DDX31: variants seen among roughly 807,000 people sequenced by gnomAD.
The protein encoded by DDX31 is ATP-dependent DNA helicase DDX31.
Under a neutral mutation model 91.3 loss-of-function variants are expected in DDX31, and 70 were observed. The ratio of observed to expected loss-of-function variants is 0.77; its 90% CI spans 0.63 to 0.94. The LOEUF is 0.94. Among genes scored for constraint, DDX31 ranks in the 40% least tolerant of loss-of-function variants. The pLI is 0.00. For synonymous variants in DDX31, 362 were observed against 350.6 expected (o/e 1.03, Z -0.36); for missense variants, 902 against 925.0 (o/e 0.98, Z 0.32).
At chr9:132,632,492 T>C (rs907637272) in intron 14 of DDX31, among the ~76,000 whole-genome samples, 1 of 152,142 alleles carries the variant, frequency 6.6e-6, no homozygotes, top group African/African-American at 2.4e-5. Flanking sequence ...CTCTGAACTC[T>C]TCTAGCATGT....
At chr9:132,650,971 G>T in intron 8 of DDX31, 104 bp downstream of exon 8, 1 of 1,208,544 alleles carries the variant, frequency 8.3e-7, no homozygotes. Context: ...CAGGCAAAAG[G>T]AAATAATTCT....
intron 13 of DDX31, among the ~76,000 whole-genome samples, chr9:132,644,612 G>A (rs1261570987): frequency 6.6e-6 from 1 of 152,194 alleles, no homozygotes; most frequent in South Asian, 2.1e-4. Context: ...ATAGACTCTT[G>A]TGTGTGATCT....
rs142689890 is a variant in DDX31 at position 132,644,771 on chromosome 9, C to T, written c.1380+1124G>A. 2.1e-3 allele frequency among the ~76,000 whole-genome samples: 315 copies of T among 152,224 alleles called. 3 individuals are homozygous for T. Among genetic ancestry groups the T allele is most frequent in the African/African-American group, 7.2e-3 (300 of 41,538 alleles). On this transcript the variant is annotated intron_variant, in intron 13 of 19. Transcript: ENST00000372159. ...CAAAAACAAAACCCCAAACCATTAA[C>T]GGTATTAAATAAATAAAACCAACAA...
intron 1 of DDX31, among the ~76,000 whole-genome samples, chr9:132,668,445 C>A (rs989164152): frequency 6.6e-6 from 1 of 152,114 alleles, no homozygotes; most frequent in Non-Finnish European, 1.5e-5. Flanking sequence ...CTCATGGCGA[C>A]CAAAAGAGTT....
intron 1 of DDX31, among the ~76,000 whole-genome samples, chr9:132,666,738 G>A (rs1467282556): frequency 1.3e-5 from 2 of 148,500 alleles, no homozygotes; most frequent in African/African-American, 2.5e-5. Flanking sequence ...ACAGAGTCTC[G>A]CTCTGTCGCC....
At chr9:132,632,592 C>T (rs1424787795) in intron 14 of DDX31, among the ~76,000 whole-genome samples, 1 of 152,158 alleles carries the variant, frequency 6.6e-6, no homozygotes, top group Non-Finnish European at 1.5e-5. Flanking sequence ...CAACGCCTAA[C>T]AAGCTGGCCT....
At chr9:132,658,450 G>C in intron 6 of DDX31, 1 of 690,492 alleles carries the variant, frequency 1.4e-6, no homozygotes, top group South Asian at 1.5e-5. Context: ...ATCTTACAAA[G>C]CTTCCCTGTT....
chr9:132,668,088 CCTT>C lies in DDX31; in HGVS notation c.75+1769_75+1771del, dbSNP rs536817025. 3.9e-5 allele frequency among the ~76,000 whole-genome samples: 6 copies of C among 152,272 alleles called. No individual in the cohort carries two copies. In the South Asian group the frequency reaches 1.2e-3, roughly 32 times the overall value. ...CCCATGCTCCCAGTGGCTCTTCTAT[CCTT>C]CTCCCCGCTCCACCCAGATGCAGCT... is the stretch of plus-strand genomic sequence containing the variant. On this transcript the variant is annotated intron_variant, in intron 1 of 19. Transcript: ENST00000372159.
At chr9:132,659,325 G>A (rs1159043115) in intron 5 of DDX31, among the ~76,000 whole-genome samples, 1 of 152,184 alleles carries the variant, frequency 6.6e-6, no homozygotes. Context: ...ACAGTGTTCT[G>A]TCCTCGAGCA....
At chr9:132,662,108 A>G (rs1313828231) in intron 3 of DDX31, among the ~76,000 whole-genome samples, 153 bp downstream of exon 3, 1 of 152,216 alleles carries the variant, frequency 6.6e-6, no homozygotes, top group Non-Finnish European at 1.5e-5. Flanking sequence ...ACTGTCCTAG[A>G]AGAGTATCAT....
At chr9:132,635,997 C>T (rs1306950458) in intron 14 of DDX31, among the ~76,000 whole-genome samples, 2 of 152,116 alleles carry the variant, frequency 1.3e-5, no homozygotes, top group Non-Finnish European at 2.9e-5. Context: ...CTTCCCCCAG[C>T]GTCGGAGGCA....
chr9:132,641,914 G>A (rs1833525754), intron 14 of DDX31, 90 bp downstream of exon 14: 5 of 1,385,640 alleles, frequency 3.6e-6, no homozygotes, highest in Non-Finnish European at 4.1e-6. Context: ...CTGTAGGACT[G>A]ACCACAGGAC....
In DDX31 at chr9:132,659,753, C is replaced by T. The variant is rs1288585177; in HGVS notation, c.480G>A (p.Leu160=). 3 of 1,613,062 alleles carry T rather than the reference C, an allele frequency of 1.9e-6. No individual in the cohort carries two copies. The highest frequency in any genetic ancestry group is 2.5e-6 in the Non-Finnish European group (3 of 1,179,596). Residue 160 remains leucine (L), a synonymous_variant, in exon 5 of 20, where the codon TTG becomes TTA. Transcript: ENST00000372159. ...TSVQKQSIPV[L]LEGRDALVRS... Reference sequence around the variant, plus strand: ...TCACGAGAGCATCTCTGCCTTCCAGCAACACAGGAATACTTTGCTTCTGAA... The same window carrying T: ...TCACGAGAGCATCTCTGCCTTCCAGTAACACAGGAATACTTTGCTTCTGAA...
At chr9:132,669,256 G>GT (rs1835542122) in intron 1 of DDX31, among the ~76,000 whole-genome samples, 2 of 115,408 alleles carry the variant, frequency 1.7e-5, no homozygotes, top group African/African-American at 6.1e-5. Flanking sequence ...CACCCCGCCC[G>GT]CCCCCCCCAA....
At chr9:132,658,554 G>C in intron 6 of DDX31, 117 bp downstream of exon 6, 1 of 904,150 alleles carries the variant, frequency 1.1e-6, no homozygotes, top group Non-Finnish European at 1.8e-6. Flanking sequence ...TTAAAAGGAG[G>C]TGAAAAAAAT....
intron 17 of DDX31, among the ~76,000 whole-genome samples, chr9:132,622,842 C>T (rs905985055): frequency 6.6e-6 from 1 of 152,262 alleles, no homozygotes; most frequent in East Asian, 1.9e-4. Context: ...ATAAAAAATG[C>T]CCTTTGGGCC....
chr9:132,648,550 G>C lies in DDX31; in HGVS notation c.742C>G (p.Leu248Val), dbSNP rs1202807389. The C allele has an allele frequency of 6.2e-7, 1 of 1,606,910 alleles. No individual in the cohort carries two copies. Among genetic ancestry groups the C allele is most frequent in the African/African-American group, 1.3e-5 (1 of 74,448 alleles). Residue 248 changes from leucine (L) to valine (V), a missense_variant and splice_region_variant, in exon 10 of 20, where the codon CTC becomes GTC. Physicochemically the swap from Leu to Val is conservative, Grantham distance 32 (BLOSUM62 1). Coordinates refer to ENST00000372159, the MANE Select transcript of DDX31 (RefSeq NM_022779.9). ...ATAAGGATATTTATTCCTTTGCGGA[G>C]TCTGTTTAAAATTATATATCATAAA... ...GEKRKSEKAR[L>V]RKGINILIST...
In DDX31 at chr9:132,629,590, A is replaced by G. The variant is rs75815337; in HGVS notation, c.1631+674T>C. ...ACGTAGTGCTTTTTTCTAGCACTGTACTTTAGGGGAGAAAAGTGTTGCAGT... is the reference window on the plus strand; with the variant it reads ...ACGTAGTGCTTTTTTCTAGCACTGTGCTTTAGGGGAGAAAAGTGTTGCAGT... On this transcript the variant is annotated intron_variant, in intron 16 of 19. Transcript: ENST00000372159. Among the ~76,000 whole-genome samples the G allele has an allele frequency of 5.5e-4, 84 of 152,248 alleles. 1 individual carries two copies. In the East Asian group the frequency reaches 0.014, roughly 25 times the overall value.
At chr9:132,641,182 CAAGTTCCTTAAA>C (rs980688407) in intron 14 of DDX31, among the ~76,000 whole-genome samples, 1 of 152,228 alleles carries the variant, frequency 6.6e-6, no homozygotes, top group Non-Finnish European at 1.5e-5. Context: ...ATATGGAATA[CAAGTTCCTTAAA>C]AAGTAATTGC....
Sources: allele counts gnomAD v4.1 joint callset (sites outside exome capture counted in the v4.1 genomes callset), GRCh38; gene constraint gnomAD v4.1.1; transcripts MANE v1.5; gene names NCBI Gene and HGNC (gene_info 2026-07-23, HGNC 2026-07-21).